The following LMBR1 variants were observed in gnomAD, a reference collection of about 807,000 sequenced individuals.
LMBR1 encodes limb development membrane protein 1.
In LMBR1, 52 loss-of-function variants were observed where a neutral mutation model predicts 73.9. The observed-to-expected ratio is 0.70, with a 90% confidence interval of 0.56 to 0.89. LMBR1 has a LOEUF of 0.89. LMBR1 is among the 40% of genes least tolerant of loss of function. LMBR1 has a pLI of 0.00. For missense variants in LMBR1, 539 were observed against 579.8 expected (o/e 0.93, Z 0.72); for synonymous variants, 215 against 209.4 (o/e 1.03, Z -0.23).
chr7:156,871,812 A>G (rs906151065), intron 1 of LMBR1, among the ~76,000 whole-genome samples: 2 of 152,238 alleles, frequency 1.3e-5, no homozygotes, highest in African/African-American at 4.8e-5. Flanking sequence ...AAGGCCATAT[A>G]TGAAAAGCCC....
intron 1 of LMBR1, among the ~76,000 whole-genome samples, chr7:156,867,465 T>C (rs1798626006): frequency 6.6e-6 from 1 of 152,206 alleles, no homozygotes; most frequent in Admixed American, 6.5e-5. Context: ...ACACAAATGT[T>C]CACAGCAGCA....
At chr7:156,800,416 T>G (rs1270245290) in intron 4 of LMBR1, among the ~76,000 whole-genome samples, 1 of 146,564 alleles carries the variant, frequency 6.8e-6, no homozygotes, top group African/African-American at 2.6e-5. Context: ...CCTGCCCGGA[T>G]GGCAGCACAT....
intron 4 of LMBR1, among the ~76,000 whole-genome samples, chr7:156,816,991 G>C (rs186160518): frequency 6.6e-6 from 1 of 152,168 alleles, no homozygotes; most frequent in Admixed American, 6.5e-5. Flanking sequence ...CCATATAGTA[G>C]TCAAACCCTA....
chr7:156,694,474 A>C (rs1176370335), intron 15 of LMBR1, among the ~76,000 whole-genome samples: 1 of 152,196 alleles, frequency 6.6e-6, no homozygotes, highest in East Asian at 1.9e-4. Context: ...TAACATTATA[A>C]TCAATGGGAA....
chr7:156,735,857 G>GCA (rs1488898874), intron 9 of LMBR1, among the ~76,000 whole-genome samples: 1 of 151,590 alleles, frequency 6.6e-6, no homozygotes, highest in Admixed American at 6.6e-5. Context: ...AATCTTATTG[G>GCA]AGGTTTCAAC....
intron 3 of LMBR1, chr7:156,833,439 C>T: frequency 3.3e-6 from 1 of 305,358 alleles, no homozygotes; most frequent in South Asian, 3.6e-5. Flanking sequence ...TCAAGAGCAT[C>T]ATAGTCTTCT....
At chr7:156,792,855 G>A (rs1257295701) in intron 5 of LMBR1, among the ~76,000 whole-genome samples, 2 of 151,600 alleles carry the variant, frequency 1.3e-5, no homozygotes, top group Non-Finnish European at 2.9e-5. Flanking sequence ...GGGGCCATAT[G>A]CCATTTAGGG....
At chr7:156,806,286 G>A (rs1210460705) in intron 4 of LMBR1, among the ~76,000 whole-genome samples, 1 of 152,066 alleles carries the variant, frequency 6.6e-6, no homozygotes, top group Non-Finnish European at 1.5e-5. Context: ...ATTATTAACT[G>A]CCAGTATATA....
chr7:156,789,158 T>C (rs1339528903), intron 5 of LMBR1, among the ~76,000 whole-genome samples: 5 of 152,256 alleles, frequency 3.3e-5, no homozygotes, highest in South Asian at 2.1e-4. Context: ...TTTCAATATA[T>C]TGAATCCTAA....
intron 16 of LMBR1, among the ~76,000 whole-genome samples, chr7:156,684,423 C>T (rs1157586437): frequency 6.6e-6 from 1 of 152,130 alleles, no homozygotes; most frequent in East Asian, 1.9e-4. Flanking sequence ...AAGAGCCTGT[C>T]CCTTCTTCTC....
intron 1 of LMBR1, among the ~76,000 whole-genome samples, chr7:156,887,463 C>CAA (rs60786872): frequency 1.3e-3 from 67 of 52,018 alleles, no homozygotes; most frequent in East Asian, 3.4e-3. Context: ...GACTCCATCT[C>CAA]AAAAAAAAAA....
At chr7:156,671,732 C>T (rs545221967) in intron 4 of LMBR1, among the ~76,000 whole-genome samples, 3 of 152,308 alleles carry the variant, frequency 2.0e-5, no homozygotes, top group African/African-American at 7.2e-5. Flanking sequence ...TGTCCCTCCC[C>T]AGTCGTCCTA....
chr7:156,767,962 A>G (rs1167526794), intron 5 of LMBR1, among the ~76,000 whole-genome samples: 1 of 152,202 alleles, frequency 6.6e-6, no homozygotes, highest in Non-Finnish European at 1.5e-5. Flanking sequence ...AAAACATTAA[A>G]TGGGATAAAG....
intron 4 of LMBR1, among the ~76,000 whole-genome samples, chr7:156,801,028 G>A (rs1045282418): frequency 6.6e-6 from 1 of 152,198 alleles, no homozygotes; most frequent in Admixed American, 6.5e-5. Flanking sequence ...AAGATGCTGT[G>A]AACATTGTGG....
intron 5 of LMBR1, 37 bp downstream of exon 5, chr7:156,796,352 A>C (rs2133376936): frequency 7.2e-7 from 1 of 1,379,848 alleles, no homozygotes; most frequent in Non-Finnish European, 1.0e-6. Flanking sequence ...TTAATTCCTC[A>C]CTTAACCAAT....
chr7:156,879,745 G>GA (rs1281465824), intron 1 of LMBR1, among the ~76,000 whole-genome samples: 19 of 151,574 alleles, frequency 1.3e-4, no homozygotes, highest in Non-Finnish European at 2.7e-4. Flanking sequence ...ACAAACCTAT[G>GA]AAAAAATGCT....
intron 1 of LMBR1, among the ~76,000 whole-genome samples, chr7:156,858,278 C>CA (rs569907860): frequency 4.0e-5 from 6 of 150,592 alleles, no homozygotes; most frequent in South Asian, 2.1e-4. Context: ...CCACAGACAC[C>CA]AAAAAAAAAT....
chr7:156,711,568 A>G (rs73163998), intron 15 of LMBR1, among the ~76,000 whole-genome samples: 235 of 152,330 alleles, frequency 1.5e-3, no homozygotes, highest in Non-Finnish European at 2.8e-3. Flanking sequence ...AAAAAGAACA[A>G]AACTGGAGGC....
chr7:156,718,421 G>GA (rs112723285), intron 15 of LMBR1, among the ~76,000 whole-genome samples: 2,997 of 141,236 alleles, frequency 0.021, 36 homozygotes, highest in Non-Finnish European at 0.033. Context: ...GAAGGAAAAA[G>GA]AAAAAAAAAA....
Sources: allele counts gnomAD v4.1 joint callset (sites outside exome capture counted in the v4.1 genomes callset), GRCh38; gene constraint gnomAD v4.1.1; transcripts MANE v1.5; gene names NCBI Gene and HGNC (gene_info 2026-07-23, HGNC 2026-07-21).